TMEM114: variants seen among roughly 807,000 people sequenced by gnomAD.
TMEM114 encodes the protein claudin-26.
TMEM114 carries 6 observed loss-of-function variants against 6.2 expected under a neutral mutation model. The ratio of observed to expected loss-of-function variants is 0.97; its 90% CI spans 0.53 to 1.91. The LOEUF (loss-of-function observed/expected upper bound fraction) is 1.91, where lower values mean the gene tolerates loss of function less well. Among genes scored for constraint, TMEM114 ranks in the 40% most tolerant of loss-of-function variants. TMEM114 has a pLI of 0.01. For missense variants in TMEM114, 218 were observed against 158.3 expected (o/e 1.38, Z -2.02); for synonymous variants, 104 against 73.0 (o/e 1.42, Z -2.16).
At position 8,572,109 on chromosome 16, in the gene TMEM114, A is replaced by C. The variant is rs1302538272; in HGVS notation, c.417T>G (p.Thr139=). ...TACCTCCAAAGAGGAAGAGAATTCC[A>C]GTGAGCAGGAGGAGGAGGTAGGCTT... ...LLQAYLLLLL[T]GILFLFGAMV... is the part of the protein sequence containing the mutation. Residue 139 remains threonine (T), a synonymous_variant, in exon 3 of 4, where the codon ACT becomes ACG. Transcript: ENST00000620492. The C allele has an allele frequency of 6.4e-7, 1 of 1,550,514 alleles. No individual in the cohort carries two copies. The highest frequency in any genetic ancestry group is 1.2e-5 in the South Asian group (1 of 83,872).
intron 3 of TMEM114, among the ~76,000 whole-genome samples, chr16:8,570,649 C>T (rs76033384): frequency 0.024 from 3,596 of 152,210 alleles, 171 homozygotes; most frequent in African/African-American, 0.082. Context: ...CTGTCTCCCC[C>T]AGTGGCCTGT....
At chr16:8,533,776 C>T (rs1450135353), downstream of TMEM114, among the ~76,000 whole-genome samples, 1 of 152,126 alleles carries the variant, frequency 6.6e-6, no homozygotes, top group Admixed American at 6.5e-5. Flanking sequence ...ACCAGCTTAC[C>T]GAAAATCACA....
At chr16:8,581,541 C>T (rs936591844) in intron 2 of TMEM114, among the ~76,000 whole-genome samples, 3 of 151,648 alleles carry the variant, frequency 2.0e-5, no homozygotes, top group Admixed American at 6.6e-5. Flanking sequence ...GAAACCTCTG[C>T]CTCTTGAGCT....
At chr16:8,571,981 C>A in intron 3 of TMEM114, 106 bp downstream of exon 3, 1 of 1,344,638 alleles carries the variant, frequency 7.4e-7, no homozygotes. Flanking sequence ...GAAACTGAAC[C>A]CCACGAGGCC....
At chr16:8,583,048 A>C (rs1166758715) in intron 2 of TMEM114, among the ~76,000 whole-genome samples, 1 of 152,188 alleles carries the variant, frequency 6.6e-6, no homozygotes, top group African/African-American at 2.4e-5. Flanking sequence ...ATCATACCTG[A>C]CTTCTCTATG....
chr16:8,548,655 C>A (rs189991666), intron 2 of TMEM114, among the ~76,000 whole-genome samples: 102 of 145,264 alleles, frequency 7.0e-4, no homozygotes, highest in Non-Finnish European at 6.9e-4. Flanking sequence ...ATTTTTTGTC[C>A]TTTTCTTGCC....
At chr16:8,563,198 T>C (rs1164789315) in intron 2 of TMEM114, among the ~76,000 whole-genome samples, 1 of 150,918 alleles carries the variant, frequency 6.6e-6, no homozygotes, top group African/African-American at 2.5e-5. Context: ...AGTGAATGAA[T>C]GAGTGAATGA....
At chr16:8,546,363 G>A (rs1285962721) in intron 2 of TMEM114, among the ~76,000 whole-genome samples, 1 of 152,164 alleles carries the variant, frequency 6.6e-6, no homozygotes, top group East Asian at 1.9e-4. Flanking sequence ...AGACTTTCAT[G>A]TGATCTCTTT....
At chr16:8,567,079 T>G (rs111254367), downstream of TMEM114, among the ~76,000 whole-genome samples, 24,419 of 151,074 alleles carry the variant, frequency 0.16, 2,280 homozygotes, top group Non-Finnish European at 0.21. Context: ...TTTTTTTTTT[T>G]TGTATTTTTA....
rs1405985370 is a variant in TMEM114, at chr16:8,564,251, G to GAGTGAATGAGTGATGAAATA, written n.212+24942_212+24961dup. ...TGAGTGAGTTAGTGAATGAGTGAGT[G>GAGTGAATGAGTGATGAAATA]AGTGAATGAGTGATGAAATAAGTGA... is the stretch of plus-strand genomic sequence containing the variant. On this transcript the variant is annotated intron_variant and non_coding_transcript_variant, in intron 2 of 2. Coordinates refer to the TMEM114 transcript ENST00000623677. Among the ~76,000 whole-genome samples, 249 of 11,694 alleles carry GAGTGAATGAGTGATGAAATA rather than the reference G, an allele frequency of 0.021. 6 individuals are homozygous for GAGTGAATGAGTGATGAAATA. The East Asian group carries it at 0.29, about 14-fold the overall frequency. 7.7% of individuals were successfully genotyped at this position (11,694 alleles called of 152,430 possible).
intron 2 of TMEM114, among the ~76,000 whole-genome samples, chr16:8,577,047 G>A (rs1183745846): frequency 6.6e-6 from 1 of 152,232 alleles, no homozygotes; most frequent in Non-Finnish European, 1.5e-5. Flanking sequence ...AGTATTTAGA[G>A]TCAGACCTGA....
chr16:8,583,360 C>A (rs1213586189), intron 2 of TMEM114, among the ~76,000 whole-genome samples: 1 of 152,196 alleles, frequency 6.6e-6, no homozygotes, highest in Non-Finnish European at 1.5e-5. Flanking sequence ...TGAGCTCCTA[C>A]TGTGCACAGA....
chr16:8,554,420 T>G lies in TMEM114; in HGVS notation n.213-16594A>C, dbSNP rs1037014697. 2.0e-5 allele frequency among the ~76,000 whole-genome samples: 3 copies of G among 152,112 alleles called. No individual in the cohort carries two copies. In the South Asian group the frequency reaches 6.3e-4, roughly 32 times the overall value. On this transcript the variant is annotated intron_variant and non_coding_transcript_variant, in intron 2 of 2. Coordinates refer to the TMEM114 transcript ENST00000623677. The stretch of plus-strand genomic sequence containing the variant: ...ATAATAATAATAATAATAATAATAA[T>G]AAAAATGAGGCACCATTGCTGACCA...
At chr16:8,559,850 G>T (rs1384948687) in intron 2 of TMEM114, among the ~76,000 whole-genome samples, 1 of 152,208 alleles carries the variant, frequency 6.6e-6, no homozygotes, top group African/African-American at 2.4e-5. Context: ...CAAGGACTGA[G>T]ATCCCCATGG....
intron 2 of TMEM114, among the ~76,000 whole-genome samples, chr16:8,549,457 G>A (rs1266215956): frequency 7.1e-6 from 1 of 141,410 alleles, no homozygotes; most frequent in Non-Finnish European, 1.5e-5. Context: ...CCACGATTGA[G>A]CCACTTCACT....
chr16:8,581,737 C>T (rs990730827), intron 2 of TMEM114, among the ~76,000 whole-genome samples: 36 of 152,224 alleles, frequency 2.4e-4, no homozygotes, highest in African/African-American at 6.3e-4. Flanking sequence ...TACAGGTGTG[C>T]GCCACTGCGC....
the TMEM114 span, among the ~76,000 whole-genome samples, chr16:8,528,645 C>A: frequency 6.6e-6 from 1 of 152,212 alleles, no homozygotes; most frequent in South Asian, 2.1e-4. Context: ...ATTTAAATCG[C>A]AGCCTTGGTG....
intron 2 of TMEM114, among the ~76,000 whole-genome samples, chr16:8,554,284 A>C (rs8051429): frequency 0.45 from 67,547 of 151,666 alleles, 15,784 homozygotes; most frequent in African/African-American, 0.57. Flanking sequence ...GGGCGGACAG[A>C]GTGGCTCAAG....
Position 8,569,834 on chromosome 16 carries a change from G to C in TMEM114, c.611C>G (p.Ala204Gly). 1 of 1,550,990 alleles carries C rather than the reference G, an allele frequency of 6.4e-7. No individual in the cohort carries two copies. Among genetic ancestry groups the C allele is most frequent in the Middle Eastern group, 1.7e-4 (1 of 5,992 alleles). ...CTCGCGGGCTGCTGCCAGGAAGGCT[G>C]CCCCGGTGAGCAGCTCGGCGATGAA... ...ISFIAELLTG[A>G]AFLAAARELS... The change falls in exon 4 of 4, where the codon GCA becomes GGA. Residue 204 changes from alanine to glycine, a missense_variant. Ala to Gly is a moderately conservative substitution (Grantham distance 60). Coordinates refer to ENST00000620492, the MANE Select transcript of TMEM114 (RefSeq NM_001146336.2).
Sources: gnomAD v4.1 joint callset for allele counts (sites outside exome capture counted in the v4.1 genomes callset) on GRCh38, gnomAD v4.1.1 for gene constraint, MANE v1.5 for transcripts, NCBI Gene and HGNC (gene_info 2026-07-23, HGNC 2026-07-21) for gene names.